C2CD3: variants seen among roughly 807,000 people sequenced by gnomAD.
C2CD3 encodes the protein C2 domain-containing protein 3.
A neutral mutation model predicts 234.0 loss-of-function variants in C2CD3; 148 were observed. The ratio of observed to expected loss-of-function variants is 0.63; its 90% CI spans 0.55 to 0.72. The LOEUF is 0.72. Among genes scored for constraint, C2CD3 ranks in the 30% least tolerant of loss-of-function variants. The probability of loss-of-function intolerance (pLI) is 0.00; values close to 1 mark genes in which losing one functional copy is unlikely to be tolerated. For synonymous variants in C2CD3, 1,000 were observed against 1,035.4 expected (o/e 0.97, Z 0.66); for missense variants, 2,577 against 2,811.5 (o/e 0.92, Z 1.89).
rs145938662 is a variant in C2CD3, at chr11:74,098,748, G to T, written c.2733-493C>A. ...TATCCACTATTAATGGATGAGAAAA[G>T]CCAAATTTAAAGAGGTTAAGTAACT... On this transcript the variant is annotated intron_variant, in intron 15 of 32. Transcript: ENST00000334126. Among the ~76,000 whole-genome samples the T allele has an allele frequency of 1.0e-2, 1,516 of 152,268 alleles. 20 individuals are homozygous for T. The highest frequency in any genetic ancestry group is 0.034 in the African/African-American group (1,430 of 41,548).
rs545466857 is a variant in C2CD3, at chr11:74,117,026, A to AT, written c.1520+1201dup. ...TGTATATATACACATATATACGTGT[A>AT]TATGTATATATACGTGTGTGTGTAT... On this transcript the variant is annotated intron_variant, in intron 9 of 32. Transcript: ENST00000334126. Among the ~76,000 whole-genome samples, 196 of 114,122 alleles carry AT rather than the reference A, an allele frequency of 1.7e-3. 13 individuals are homozygous for AT. Among genetic ancestry groups the AT allele is most frequent in the African/African-American group, 7.1e-3 (189 of 26,696 alleles). 74.9% of individuals were successfully genotyped at this position (114,122 alleles called of 152,430 possible). A position where few individuals can be genotyped will look rare whatever the true frequency, so the allele number is the denominator to read the frequency against.
chr11:74,037,603 A>C lies in C2CD3; in HGVS notation c.5756T>G (p.Ile1919Ser), dbSNP rs371157523. ...LPLSPQTQTA[I>S]SQHQESCRDH... ...CCTACAGCTCTCCTGGTGCTGTGAG[A>C]TGGCCGTTTGAGTCTGAGGGCTGAG... Residue 1919 changes from isoleucine (I) to serine (S), a missense_variant, in exon 30 of 33, where the codon ATC becomes AGC. Transcript: ENST00000334126. 3 of 1,613,930 alleles carry C rather than the reference A, an allele frequency of 1.9e-6. No homozygotes were observed. The highest frequency in any genetic ancestry group is 1.3e-5 in the African/African-American group (1 of 74,890).
intron 15 of C2CD3, among the ~76,000 whole-genome samples, 173 bp downstream of exon 15, chr11:74,100,352 A>G (rs967667881): frequency 2.0e-5 from 3 of 152,234 alleles, no homozygotes; most frequent in African/African-American, 2.4e-5. Flanking sequence ...ATGGTAAGCA[A>G]TATCTCTAAG....
At chr11:74,136,410 G>C (rs1443896983) in intron 5 of C2CD3, among the ~76,000 whole-genome samples, 1 of 152,162 alleles carries the variant, frequency 6.6e-6, no homozygotes, top group Non-Finnish European at 1.5e-5. Context: ...GCAAGGTCTT[G>C]ATTTAAAAAG....
chr11:74,158,249 C>T (rs1856170521), intron 3 of C2CD3, among the ~76,000 whole-genome samples: 1 of 152,166 alleles, frequency 6.6e-6, no homozygotes, highest in Non-Finnish European at 1.5e-5. Flanking sequence ...AGGGACAACC[C>T]ACTGAGTGGG....
At chr11:74,019,486 G>A (rs530992319) in intron 32 of C2CD3, among the ~76,000 whole-genome samples, 26 of 152,294 alleles carry the variant, frequency 1.7e-4, no homozygotes, top group Admixed American at 1.2e-3. Flanking sequence ...GAGGCAATAG[G>A]TCAGGACCTC....
rs1000887424 is a variant in C2CD3 at position 74,139,084 on chromosome 11, A to G, written c.708-117T>C. 1.3e-5 allele frequency: 10 copies of G among 749,006 alleles called. No homozygotes were observed. The African/African-American group carries it at 1.4e-4, about 11-fold the overall frequency. 46.4% of individuals were successfully genotyped at this position (749,006 alleles called of 1,614,324 possible). On this transcript the variant is annotated intron_variant, in intron 4 of 32. Coordinates refer to ENST00000334126, the MANE Select transcript of C2CD3 (RefSeq NM_001286577.2). ...TGGCAAGGTAGTTTGGACCTCAAAA[A>G]GCGTGACTTATTTGCAATACAACTT...
chr11:74,052,066 GC>G (rs1163252813), intron 26 of C2CD3, among the ~76,000 whole-genome samples: 3 of 152,148 alleles, frequency 2.0e-5, no homozygotes, highest in Non-Finnish European at 4.4e-5. Flanking sequence ...CACAAGCTTA[GC>G]GTTCCAATAA....
chr11:74,100,599 C>A lies in C2CD3; in HGVS notation c.2658G>T (p.Lys886Asn). Residue 886 changes from lysine (K) to asparagine (N), a missense_variant, in exon 15 of 33, where the codon AAG (lysine) becomes AAT (asparagine). Coordinates refer to ENST00000334126, the MANE Select transcript of C2CD3 (RefSeq NM_001286577.2). Reference sequence around the variant, plus strand: ...GCTTGTCCTGTCCTGGGCTCCGCACCTTATTCCAAGTTTCAATTACCATCA... The same window carrying A: ...GCTTGTCCTGTCCTGGGCTCCGCACATTATTCCAAGTTTCAATTACCATCA... ...NNVMVIETWN[K>N]VRSPGQDKLL... The A allele has an allele frequency of 6.2e-7, 1 of 1,614,070 alleles. No individual in the cohort carries two copies. The highest frequency in any genetic ancestry group is 8.5e-7 in the Non-Finnish European group (1 of 1,179,948).
Position 74,042,039 on chromosome 11 carries a change from T to A in C2CD3, c.5660+15A>T. ...CCACTATGGTTTCCTGTGTCTTTTCTCAGTAGAGCCTCACCTGAGAGAAGT... is the reference window on the plus strand; with the variant it reads ...CCACTATGGTTTCCTGTGTCTTTTCACAGTAGAGCCTCACCTGAGAGAAGT... On this transcript the variant is annotated intron_variant, in intron 29 of 32. Coordinates refer to ENST00000334126, the MANE Select transcript of C2CD3 (RefSeq NM_001286577.2). The A allele has an allele frequency of 6.2e-7, 1 of 1,612,734 alleles. No individual in the cohort carries two copies. Among genetic ancestry groups the A allele is most frequent in the Non-Finnish European group, 8.5e-7 (1 of 1,179,398 alleles).
At chr11:74,085,319 GT>G (rs1422659529) in intron 21 of C2CD3, among the ~76,000 whole-genome samples, 1 of 151,642 alleles carries the variant, frequency 6.6e-6, no homozygotes, top group African/African-American at 2.4e-5. Flanking sequence ...TAAATTAAAT[GT>G]TTTGAAAAAA....
At chr11:74,025,066 T>C (rs979751336) in intron 32 of C2CD3, among the ~76,000 whole-genome samples, 20 of 152,094 alleles carry the variant, frequency 1.3e-4, no homozygotes, top group African/African-American at 4.3e-4. Flanking sequence ...GACTTGCTCT[T>C]TAATTGAAGT....
At chr11:74,155,165 C>T (rs1431908102) in intron 3 of C2CD3, among the ~76,000 whole-genome samples, 1 of 152,230 alleles carries the variant, frequency 6.6e-6, no homozygotes, top group Non-Finnish European at 1.5e-5. Context: ...ACTGTAACCA[C>T]TACTTATTTC....
chr11:74,126,104 T>C (rs1454130565), intron 7 of C2CD3, among the ~76,000 whole-genome samples: 1 of 152,214 alleles, frequency 6.6e-6, no homozygotes, highest in Non-Finnish European at 1.5e-5. Flanking sequence ...TATGGATAAA[T>C]AAAGTTATTT....
At chr11:74,113,713 A>G (rs765937436) in intron 11 of C2CD3, 67 bp downstream of exon 11, 2 of 922,536 alleles carry the variant, frequency 2.2e-6, no homozygotes, top group Admixed American at 3.5e-5. Context: ...CAAATGAGTA[A>G]TTAGGAATTC....
chr11:74,038,526 T>C (rs2135417893), intron 29 of C2CD3, among the ~76,000 whole-genome samples: 1 of 152,344 alleles, frequency 6.6e-6, no homozygotes, highest in Non-Finnish European at 1.5e-5. Context: ...GAGCAGTATG[T>C]AGCTACTCAG....
chr11:74,047,240 T>G (rs1953423765), intron 28 of C2CD3, among the ~76,000 whole-genome samples: 1 of 152,224 alleles, frequency 6.6e-6, no homozygotes, highest in African/African-American at 2.4e-5. Flanking sequence ...TGGCTGTCTG[T>G]ATATAATATG....
chr11:74,070,948 A>G (rs549288128), intron 24 of C2CD3: 27 of 152,248 alleles, frequency 1.8e-4, no homozygotes, highest in African/African-American at 5.8e-4. Context: ...AAGTGACACC[A>G]ATACTTGGAA....
Position 74,132,960 on chromosome 11 carries a change from AAAGGC to A in C2CD3, c.1096_1100del (p.Ala366PhefsTer2). ...TGTGGTCTTTAAACCGATTCCTAGA[AAAGGC>A]TCTGATCCTAAGGTGTGGAAAAATA... On this transcript the variant is annotated frameshift_variant, in exon 7 of 33. Coordinates refer to ENST00000334126, the MANE Select transcript of C2CD3 (RefSeq NM_001286577.2). LOFTEE classifies it high-confidence loss of function. The A allele has an allele frequency of 6.2e-7, 1 of 1,613,880 alleles. No individual in the cohort carries two copies. Among genetic ancestry groups the A allele is most frequent in the Non-Finnish European group, 8.5e-7 (1 of 1,179,842 alleles).
Sources: allele counts gnomAD v4.1 joint callset (sites outside exome capture counted in the v4.1 genomes callset), GRCh38; gene constraint gnomAD v4.1.1; transcripts MANE v1.5; gene names NCBI Gene and HGNC (gene_info 2026-07-23, HGNC 2026-07-21).